Variants in FSD2 observed in about 807,000 individuals in gnomAD.
FSD2 encodes the protein fibronectin type III and SPRY domain-containing protein 2.
Under a neutral mutation model 80.4 loss-of-function variants are expected in FSD2, and 71 were observed. The ratio of observed to expected loss-of-function variants is 0.88; its 90% CI spans 0.73 to 1.08. The LOEUF (loss-of-function observed/expected upper bound fraction) is 1.08. FSD2 is among the 50% of genes least tolerant of loss of function. FSD2 has a pLI of 0.00. For synonymous variants in FSD2, 361 were observed against 329.5 expected, an observed-to-expected ratio of 1.10 and a Z score of -1.03; for missense variants, 923 against 913.8, an observed-to-expected ratio of 1.01 and a Z score of -0.13.
At position 82,786,585 on chromosome 15, in the gene FSD2, A is replaced by G. The variant is rs755340597; in HGVS notation, c.661T>C (p.Tyr221His). The G allele has an allele frequency of 6.2e-7, 1 of 1,613,590 alleles. No homozygotes were observed. The highest frequency in any genetic ancestry group is 1.7e-5 in the Admixed American group (1 of 59,956). Residue 221 changes from tyrosine to histidine, a missense_variant, in exon 3 of 13, where the codon TAC becomes CAC. Physicochemically the swap from Tyr to His is moderately conservative, Grantham distance 83. Coordinates refer to ENST00000334574, the MANE Select transcript of FSD2 (RefSeq NM_001007122.4). ...TCAATTATCTGCTTTTCCAATTTGT[A>G]CATGTTTTTGTGAATTTCATCCTAT... ...SAKDEIHKNMYKLEKQIIEME... is the reference protein window; with the variant it reads ...SAKDEIHKNMHKLEKQIIEME...
At chr15:82,772,552 A>G (rs1727940495) in intron 6 of FSD2, among the ~76,000 whole-genome samples, 1 of 152,212 alleles carries the variant, frequency 6.6e-6, no homozygotes, top group Admixed American at 6.5e-5. Flanking sequence ...CTAAAGAGGC[A>G]GGACAACCGG....
rs1371993239 is a variant in FSD2 at position 82,756,046 on chromosome 15, CAAG to C, written c.*3299_*3301del. 4 of 501,938 alleles carry C rather than the reference CAAG, an allele frequency of 8.0e-6. No individual in the cohort carries two copies. Among genetic ancestry groups the C allele is most frequent in the African/African-American group, 7.7e-5 (4 of 51,694 alleles). The allele number at this position is 501,938 out of a possible 1,614,324, so 31.1% of individuals were successfully genotyped here. ...ACAGGTCTTGTTTGCAAAATAAATT[CAAG>C]ACCTACTTATCTACCAACAGCAATT... On this transcript the variant is annotated 3_prime_UTR_variant, in exon 13 of 13. Transcript: ENST00000334574.
In FSD2 at chr15:82,755,594, A is replaced by G. The variant is rs1200776532; in HGVS notation, c.*3754T>C. On this transcript the variant is annotated 3_prime_UTR_variant, in exon 13 of 13. Coordinates refer to ENST00000334574, the MANE Select transcript of FSD2 (RefSeq NM_001007122.4). ...TTTTTTTTTTTTTCTGGAACTGGTG[A>G]TAGCAGAAAACAAGCAGTAAAGTAG... 1 of 148,626 alleles carries G rather than the reference A, an allele frequency of 6.7e-6. No individual in the cohort carries two copies. Among genetic ancestry groups the G allele is most frequent in the Non-Finnish European group, 1.5e-5 (1 of 67,364 alleles). The allele number at this position is 148,626 out of a possible 1,614,324, so 9.2% of individuals were successfully genotyped here.
chr15:82,802,457 A>G (rs2151546208), intron 1 of FSD2, among the ~76,000 whole-genome samples: 1 of 152,296 alleles, frequency 6.6e-6, no homozygotes, highest in African/African-American at 2.4e-5. Context: ...CTGCCCTGAG[A>G]GGCCCTGAAT....
intron 6 of FSD2, among the ~76,000 whole-genome samples, chr15:82,773,800 A>G (rs2049645934): frequency 6.6e-6 from 1 of 152,242 alleles, no homozygotes. Context: ...GATTAAATAA[A>G]TGAAAATATG....
Position 82,758,322 on chromosome 15 carries a change from G to A in FSD2, c.*1026C>T, listed in dbSNP as rs1032617103. On this transcript the variant is annotated 3_prime_UTR_variant, in exon 13 of 13. Transcript: ENST00000334574. ...CTGGAAACTTGAACAGGAGAACCAG[G>A]AATGTAGCTGATGGAGTTGGGCATT... 6.6e-6 allele frequency: 1 copy of A among 152,276 alleles called. No individual in the cohort carries two copies. Among genetic ancestry groups the A allele is most frequent in the Non-Finnish European group, 1.5e-5 (1 of 68,072 alleles). 9.4% of individuals were successfully genotyped at this position (152,276 alleles called of 1,614,324 possible).
chr15:82,787,319 C>T lies in FSD2; in HGVS notation c.72G>A (p.Met24Ile), dbSNP rs747361588. The T allele has an allele frequency of 6.2e-7, 1 of 1,613,856 alleles. No individual in the cohort carries two copies. The highest frequency in any genetic ancestry group is 1.1e-5 in the South Asian group (1 of 91,062). ...STPKDFHFYHMDLYDSEDRLH... is the reference protein window; with the variant it reads ...STPKDFHFYHIDLYDSEDRLH... ...GTCTGTCTTCAGAGTCATACAGGTC[C>T]ATGTGGTAAAAGTGGAAATCCTTGG... is the stretch of plus-strand genomic sequence containing the variant. Residue 24 changes from methionine to isoleucine, a missense_variant, in exon 2 of 13, where the codon ATG (methionine) becomes ATA (isoleucine). Transcript: ENST00000334574.
At position 82,759,294 on chromosome 15, in the gene FSD2, A is replaced by G. The variant is rs532163313; in HGVS notation, c.*54T>C. Reference sequence around the variant, plus strand: ...GCCAGGTTCAGCCAGCTAAGGCGTGAGCAGCTGCGAGAGGGGTAGGCATGG... The same window carrying G: ...GCCAGGTTCAGCCAGCTAAGGCGTGGGCAGCTGCGAGAGGGGTAGGCATGG... On this transcript the variant is annotated 3_prime_UTR_variant, in exon 13 of 13. Transcript: ENST00000334574. 9 of 1,583,196 alleles carry G rather than the reference A, an allele frequency of 5.7e-6. No individual in the cohort carries two copies. The Admixed American group carries it at 1.6e-4, about 28-fold the overall frequency.
intron 6 of FSD2, among the ~76,000 whole-genome samples, chr15:82,777,043 A>C (rs1299754964): frequency 1.3e-5 from 2 of 152,214 alleles, no homozygotes; most frequent in South Asian, 4.1e-4. Context: ...TTTGATCCCT[A>C]TCTTACACCA....
chr15:82,775,221 AC>A (rs1331955521), intron 6 of FSD2, among the ~76,000 whole-genome samples: 1 of 149,878 alleles, frequency 6.7e-6, no homozygotes, highest in African/African-American at 2.5e-5. Context: ...ACATGGTGAA[AC>A]CCCGTGTCTA....
rs200226733 is a variant in FSD2, at chr15:82,782,819, G to A, written c.942C>T (p.His314=). The change falls in exon 4 of 13, where the codon CAC becomes CAT. Residue 314 remains histidine, a synonymous_variant. Transcript: ENST00000334574. The part of the protein sequence containing the change: ...ELMETIEEMC[H]EEKVDFIKDA... Reference sequence around the variant, plus strand: ...CCTTTATGAAATCCACCTTCTCCTCGTGACACATCTCCTCTATTGTTTCCA... The same window carrying A: ...CCTTTATGAAATCCACCTTCTCCTCATGACACATCTCCTCTATTGTTTCCA... 628 of 1,611,186 alleles carry A rather than the reference G, an allele frequency of 3.9e-4. 1 individual carries two copies. The highest frequency in any genetic ancestry group is 3.1e-4 in the Non-Finnish European group (369 of 1,178,972).
At chr15:82,775,712 C>T (rs992226706) in intron 6 of FSD2, among the ~76,000 whole-genome samples, 1 of 152,052 alleles carries the variant, frequency 6.6e-6, no homozygotes, top group Admixed American at 6.6e-5. Context: ...TTTCTAGTTT[C>T]TGGAGGTGTA....
chr15:82,792,070 C>T (rs1168540925), intron 1 of FSD2, among the ~76,000 whole-genome samples: 4 of 152,106 alleles, frequency 2.6e-5, no homozygotes, highest in Non-Finnish European at 5.9e-5. Context: ...GTTTTTGTAC[C>T]AGTTTTTGTT....
chr15:82,776,327 T>C (rs60666244), intron 6 of FSD2, among the ~76,000 whole-genome samples: 1,918 of 152,236 alleles, frequency 0.013, 41 homozygotes, highest in African/African-American at 0.045. Context: ...ACTTGATAGA[T>C]TTCATTCTTT....
intron 4 of FSD2, 138 bp from the exon 5 acceptor site, chr15:82,780,405 G>T: frequency 1.7e-6 from 1 of 583,058 alleles, no homozygotes; most frequent in Non-Finnish European, 2.9e-6. Context: ...CACAATCTCG[G>T]CTCACTGCAA....
At chr15:82,774,938 T>G (rs1432739205) in intron 6 of FSD2, among the ~76,000 whole-genome samples, 1 of 150,692 alleles carries the variant, frequency 6.6e-6, no homozygotes, top group Non-Finnish European at 1.5e-5. Context: ...GCCAGGATGG[T>G]CTCAATCTCC....
intron 1 of FSD2, among the ~76,000 whole-genome samples, chr15:82,789,033 A>G (rs565680973): frequency 4.7e-4 from 71 of 152,176 alleles, no homozygotes; most frequent in African/African-American, 1.6e-3. Flanking sequence ...TCTCTAACCT[A>G]GTAATCCTCT....
At chr15:82,764,581 C>T (rs1284206290) in intron 11 of FSD2, among the ~76,000 whole-genome samples, 1 of 147,868 alleles carries the variant, frequency 6.8e-6, no homozygotes, top group Non-Finnish European at 1.5e-5. Flanking sequence ...CGGGTTCAAG[C>T]AATTCTTCTG....
At chr15:82,785,488 C>A (rs1377970308) in intron 3 of FSD2, among the ~76,000 whole-genome samples, 1 of 151,890 alleles carries the variant, frequency 6.6e-6, no homozygotes, top group South Asian at 2.1e-4. Flanking sequence ...CCACACCCAG[C>A]TAATTTTTTA....
Sources: gnomAD v4.1 joint callset for allele counts (sites outside exome capture counted in the v4.1 genomes callset) on GRCh38, gnomAD v4.1.1 for gene constraint, MANE v1.5 for transcripts, NCBI Gene and HGNC (gene_info 2026-07-23, HGNC 2026-07-21) for gene names.